The following CPNE8 variants were observed in gnomAD, a reference collection of about 807,000 sequenced individuals.
CPNE8 encodes copine 8.
CPNE8 carries 45 observed loss-of-function variants against 81.5 expected under a neutral mutation model. The ratio of observed to expected loss-of-function variants is 0.55; its 90% confidence interval spans 0.44 to 0.71. The LOEUF is 0.71. Among genes scored for constraint, CPNE8 ranks in the 30% least tolerant of loss-of-function variants. The probability of loss-of-function intolerance (pLI) is 0.00; values close to 1 mark genes in which losing one functional copy is unlikely to be tolerated. For missense variants in CPNE8, 594 were observed against 672.1 expected (o/e 0.88, Z 1.28); for synonymous variants, 252 against 226.3 (o/e 1.11, Z -1.02).
At chr12:38,719,211 G>A (rs1940488261) in intron 13 of CPNE8, among the ~76,000 whole-genome samples, 1 of 152,152 alleles carries the variant, frequency 6.6e-6, no homozygotes, top group South Asian at 2.1e-4. Context: ...TTATAGTTTA[G>A]ATATTTTAAA....
chr12:38,874,848 A>G (rs777634669), intron 1 of CPNE8, among the ~76,000 whole-genome samples: 10 of 152,182 alleles, frequency 6.6e-5, no homozygotes, highest in Admixed American at 3.9e-4. Context: ...CATTAAGAAT[A>G]TAAAGGTGTT....
At chr12:38,690,238 A>C (rs1939643152) in intron 15 of CPNE8, among the ~76,000 whole-genome samples, 1 of 152,210 alleles carries the variant, frequency 6.6e-6, no homozygotes, top group Non-Finnish European at 1.5e-5. Flanking sequence ...CTGTCATGAA[A>C]CTGAACTTTT....
chr12:38,833,868 AT>A, intron 5 of CPNE8, among the ~76,000 whole-genome samples: 1 of 152,274 alleles, frequency 6.6e-6, no homozygotes, highest in South Asian at 2.1e-4. Context: ...ATTCAAGTAG[AT>A]ACCTGAATCA....
Position 38,735,979 on chromosome 12 carries a change from G to T in CPNE8, c.723-5621C>A, listed in dbSNP as rs147276400. ...CTGATATTTTAAATCATTTCAAAAG[G>T]GTTAAATTTCCTTTGCTCTCTATGT... On this transcript the variant is annotated intron_variant, in intron 10 of 19. Coordinates refer to ENST00000331366, the MANE Select transcript of CPNE8 (RefSeq NM_153634.3). Among the ~76,000 whole-genome samples, 13 of 151,782 alleles carry T rather than the reference G, an allele frequency of 8.6e-5. 1 individual carries two copies. The East Asian group carries it at 2.5e-3, about 29-fold the overall frequency.
intron 6 of CPNE8, among the ~76,000 whole-genome samples, chr12:38,801,025 G>A (rs1392573053): frequency 2.0e-5 from 3 of 150,468 alleles, no homozygotes; most frequent in East Asian, 2.0e-4. Context: ...CCACATCTAC[G>A]TCTGATTGGT....
intron 6 of CPNE8, among the ~76,000 whole-genome samples, chr12:38,794,761 A>T (rs575420231): frequency 6.6e-6 from 1 of 152,270 alleles, no homozygotes; most frequent in South Asian, 2.1e-4. Context: ...AACAGTATGA[A>T]TGTGATGGTT....
At chr12:38,724,651 C>T (rs1473100910) in intron 12 of CPNE8, among the ~76,000 whole-genome samples, 195 bp downstream of exon 12, 1 of 152,086 alleles carries the variant, frequency 6.6e-6, no homozygotes, top group African/African-American at 2.4e-5. Flanking sequence ...CAAGTCACTA[C>T]CTTCTATAAG....
chr12:38,816,209 TTAAAA>T, intron 6 of CPNE8, among the ~76,000 whole-genome samples: 1 of 152,308 alleles, frequency 6.6e-6, no homozygotes, highest in Non-Finnish European at 1.5e-5. Context: ...GGAGAGATAC[TTAAAA>T]TAATCAAGAG....
At chr12:38,695,742 C>T (rs750371585) in intron 14 of CPNE8, among the ~76,000 whole-genome samples, 5 of 152,094 alleles carry the variant, frequency 3.3e-5, no homozygotes, top group Non-Finnish European at 7.3e-5. Flanking sequence ...AGTTTGCAAC[C>T]AGCCTGGCCA....
At chr12:38,758,085 A>G (rs1312420117) in intron 10 of CPNE8, among the ~76,000 whole-genome samples, 1 of 152,050 alleles carries the variant, frequency 6.6e-6, no homozygotes, top group Non-Finnish European at 1.5e-5. Context: ...CTCAAAAGTA[A>G]ATTACTATTT....
At chr12:38,906,362 A>G (rs1468373313), upstream of CPNE8, 5 of 985,420 alleles carry the variant, frequency 5.1e-6, no homozygotes, top group Admixed American at 6.2e-5. Context: ...TGGAAAAAAC[A>G]ATACTACTTG....
chr12:38,885,899 G>GTAA, intron 1 of CPNE8, among the ~76,000 whole-genome samples: 1 of 152,168 alleles, frequency 6.6e-6, no homozygotes, highest in East Asian at 1.9e-4. Context: ...GCTCCACCAT[G>GTAA]TAAAGACGTG....
chr12:38,817,554 T>C (rs1943045393), intron 6 of CPNE8, among the ~76,000 whole-genome samples: 1 of 152,070 alleles, frequency 6.6e-6, no homozygotes, highest in Admixed American at 6.5e-5. Flanking sequence ...TAAATGATTC[T>C]GTATTACTAA....
intron 13 of CPNE8, among the ~76,000 whole-genome samples, chr12:38,711,468 C>CTT (rs143490216): frequency 2.8e-5 from 4 of 142,274 alleles, no homozygotes; most frequent in Admixed American, 1.4e-4. Flanking sequence ...AAGTGTAGTT[C>CTT]TTTTTTTTTT....
At chr12:38,694,701 A>C (rs564866539) in intron 14 of CPNE8, among the ~76,000 whole-genome samples, 2 of 152,334 alleles carry the variant, frequency 1.3e-5, no homozygotes, top group South Asian at 2.1e-4. Flanking sequence ...ATTCACAACA[A>C]GTTGCCCTAA....
At chr12:38,735,357 C>A (rs963842445) in intron 10 of CPNE8, among the ~76,000 whole-genome samples, 1 of 151,980 alleles carries the variant, frequency 6.6e-6, no homozygotes, top group Non-Finnish European at 1.5e-5. Flanking sequence ...AGGTTTAAAT[C>A]TGTATTTGTG....
At chr12:38,691,400 GATA>G (rs1939673248) in intron 15 of CPNE8, among the ~76,000 whole-genome samples, 1 of 152,048 alleles carries the variant, frequency 6.6e-6, no homozygotes, top group African/African-American at 2.4e-5. Flanking sequence ...GATTATATGA[GATA>G]ATGAGTATAA....
intron 1 of CPNE8, among the ~76,000 whole-genome samples, chr12:38,902,245 GA>G (rs1213899497): frequency 1.0e-5 from 1 of 97,000 alleles, no homozygotes; most frequent in African/African-American, 5.1e-5. Flanking sequence ...AAGAAAGAAA[GA>G]AAGAAAGAAA....
intron 19 of CPNE8, among the ~76,000 whole-genome samples, chr12:38,659,413 A>G (rs1215457811): frequency 6.6e-6 from 1 of 152,148 alleles, no homozygotes; most frequent in African/African-American, 2.4e-5. Flanking sequence ...GTCCTTAGAG[A>G]CCTACGAAGA....
Sources: allele counts gnomAD v4.1 joint callset (sites outside exome capture counted in the v4.1 genomes callset), GRCh38; gene constraint gnomAD v4.1.1; transcripts MANE v1.5; gene names NCBI Gene and HGNC (gene_info 2026-07-23, HGNC 2026-07-21).